BRD1: variants seen among roughly 807,000 people sequenced by gnomAD.
The protein encoded by BRD1 is bromodomain containing 1.
In BRD1, 24 loss-of-function variants were observed where a neutral mutation model predicts 107.7. The observed-to-expected ratio is 0.22, with a 90% CI of 0.16 to 0.31. The LOEUF (loss-of-function observed/expected upper bound fraction) is 0.31, where lower values mean the gene tolerates loss of function less well. Among genes scored for constraint, BRD1 ranks in the 10% least tolerant of loss-of-function variants. The pLI, the probability that BRD1 is intolerant of heterozygous loss-of-function variation, is 1.00. For missense variants in BRD1, 1,279 were observed against 1,638.6 expected (o/e 0.78, Z 3.79); for synonymous variants, 744 against 686.1 (o/e 1.08, Z -1.32).
chr22:49,801,964 C>T (rs1382078831), intron 3 of BRD1, among the ~76,000 whole-genome samples: 2 of 152,224 alleles, frequency 1.3e-5, no homozygotes, highest in Non-Finnish European at 2.9e-5. Context: ...TGATTCCCAC[C>T]GCTGGACGTC....
chr22:49,788,227 AG>A (rs1223918986), intron 7 of BRD1, among the ~76,000 whole-genome samples: 3 of 152,230 alleles, frequency 2.0e-5, no homozygotes, highest in Non-Finnish European at 4.4e-5. Flanking sequence ...GAGGAAGAAA[AG>A]GTATCTCACA....
intron 3 of BRD1, 50 bp downstream of exon 3, chr22:49,804,154 G>A (rs367855343): frequency 2.0e-6 from 3 of 1,498,610 alleles, no homozygotes; most frequent in South Asian, 2.7e-5. Context: ...TCTCCCTGGA[G>A]GGTGGGGGTG....
chr22:49,774,926 C>T (rs902400644), intron 12 of BRD1, among the ~76,000 whole-genome samples: 1 of 152,240 alleles, frequency 6.6e-6, no homozygotes, highest in Non-Finnish European at 1.5e-5. Flanking sequence ...GCAGGTGGCC[C>T]CGAGCCCCTG....
chr22:49,788,461 G>A lies in BRD1; in HGVS notation c.2360-574C>T, dbSNP rs559397620. ...CCCGCTCCCCACAGCACAGAAGTCC[G>A]TGCCACGTTCCCAAATATTGTGATG... is the stretch of plus-strand genomic sequence containing the variant. On this transcript the variant is annotated intron_variant, in intron 7 of 12. Coordinates refer to ENST00000404760, the MANE Select transcript of BRD1 (RefSeq NM_001304808.3). Among the ~76,000 whole-genome samples, 9 of 152,274 alleles carry A rather than the reference G, an allele frequency of 5.9e-5. No individual in the cohort carries two copies. In the South Asian group the frequency reaches 1.2e-3, roughly 21 times the overall value.
rs984775150 is a variant in BRD1, at chr22:49,776,686, G to T, written c.3121+348C>A. Among the ~76,000 whole-genome samples, 6 of 152,168 alleles carry T rather than the reference G, an allele frequency of 3.9e-5. No individual in the cohort carries two copies. The East Asian group carries it at 1.2e-3, about 29-fold the overall frequency. ...CCCTCCCCCAGGGGCCTGAAGTTGAGGGCACCCACCCTGCAGTCAGTCCCC... is the reference window on the plus strand; with the variant it reads ...CCCTCCCCCAGGGGCCTGAAGTTGATGGCACCCACCCTGCAGTCAGTCCCC... On this transcript the variant is annotated intron_variant, in intron 10 of 12. Transcript: ENST00000404760.
At chr22:49,810,738 A>C (rs2059834310) in intron 2 of BRD1, among the ~76,000 whole-genome samples, 1 of 152,244 alleles carries the variant, frequency 6.6e-6, no homozygotes, top group Non-Finnish European at 1.5e-5. Flanking sequence ...ACTGCAAAGC[A>C]AAACCCCCGA....
intron 8 of BRD1, 70 bp from the exon 9 acceptor site, chr22:49,777,883 TAC>T: frequency 6.6e-7 from 1 of 1,510,478 alleles, no homozygotes; most frequent in Admixed American, 2.0e-5. Context: ...TCAACGACGT[TAC>T]ACTTGGAACA....
chr22:49,788,358 A>AAAAC (rs369771311), intron 7 of BRD1, among the ~76,000 whole-genome samples: 2 of 152,114 alleles, frequency 1.3e-5, no homozygotes, highest in East Asian at 3.8e-4. Context: ...CAAAAATGCA[A>AAAAC]AAACAAACAA....
At chr22:49,798,963 C>A in intron 4 of BRD1, 25 bp downstream of exon 4, 1 of 1,584,052 alleles carries the variant, frequency 6.3e-7, no homozygotes, top group South Asian at 1.1e-5. Flanking sequence ...GTGGTGCACT[C>A]CACGCGGGAC....
At chr22:49,818,828 G>C (rs753638569) in intron 2 of BRD1, among the ~76,000 whole-genome samples, 2 of 152,076 alleles carry the variant, frequency 1.3e-5, no homozygotes, top group Non-Finnish European at 2.9e-5. Flanking sequence ...GGAGCTTGTA[G>C]TGAGCCGAGA....
Position 49,773,510 on chromosome 22 carries a change from AAAATC to A in BRD1, c.*718_*722del, listed in dbSNP as rs546594726. 6.3e-4 allele frequency: 96 copies of A among 152,760 alleles called. No homozygotes were observed. Among genetic ancestry groups the A allele is most frequent in the African/African-American group, 2.3e-3 (95 of 41,590 alleles). The allele number at this position is 152,760 out of a possible 1,614,324, so 9.5% of individuals were successfully genotyped here. On this transcript the variant is annotated 3_prime_UTR_variant, in exon 13 of 13. Coordinates refer to ENST00000404760, the MANE Select transcript of BRD1 (RefSeq NM_001304808.3). ...TTGTAAACAAAAGATTACAAGTTAT[AAAATC>A]AAAGTACACACAGGCCAGAGTCATT...
rs1229444541 is a variant in BRD1, at chr22:49,797,976, C to T, written c.1927G>A (p.Ala643Thr). The T allele has an allele frequency of 6.2e-7, 1 of 1,614,240 alleles. No homozygotes were observed. The highest frequency in any genetic ancestry group is 8.5e-7 in the Non-Finnish European group (1 of 1,180,042). ...LIIDNCMKYN[A>T]RDTVFYRAAV... ...GCTCTATAGAACACGGTGTCCCTGG[C>T]ATTGTACTTCATGCAGTTATCTATA... The change falls in exon 6 of 13, where the codon GCC becomes ACC. Residue 643 changes from alanine to threonine, a missense_variant. By Grantham distance (58) the Ala-to-Thr change is moderately conservative (BLOSUM62 0). Around this residue, in one of 7 missense-constraint regions of BRD1, gnomAD observed 406 missense variants for 519.4 expected, o/e 0.78. Coordinates refer to ENST00000404760, the MANE Select transcript of BRD1 (RefSeq NM_001304808.3).
chr22:49,818,403 G>C (rs1172831467), intron 2 of BRD1: 5 of 1,136,886 alleles, frequency 4.4e-6, no homozygotes, highest in Non-Finnish European at 5.5e-6. Flanking sequence ...TTGTTAAACA[G>C]ATTATGCGTG....
At chr22:49,796,224 A>G (rs1245856489) in intron 6 of BRD1, among the ~76,000 whole-genome samples, 1 of 150,590 alleles carries the variant, frequency 6.6e-6, no homozygotes, top group Non-Finnish European at 1.5e-5. Context: ...CCGAGTAGCT[A>G]GGACTACAGG....
At chr22:49,802,670 A>G (rs1040144400) in intron 3 of BRD1, among the ~76,000 whole-genome samples, 1 of 140,176 alleles carries the variant, frequency 7.1e-6, no homozygotes, top group Admixed American at 7.1e-5. Flanking sequence ...CAATGCCTCC[A>G]CTCTCTTCCT....
chr22:49,807,715 G>A (rs1216337008), intron 2 of BRD1, among the ~76,000 whole-genome samples: 1 of 152,148 alleles, frequency 6.6e-6, no homozygotes, highest in African/African-American at 2.4e-5. Context: ...TCTTGAATAA[G>A]ACACCAAAGG....
In BRD1 at chr22:49,797,908, C is replaced by G. The variant is rs770848721; in HGVS notation, c.1995G>C (p.Gln665His). 1 of 1,614,056 alleles carries G rather than the reference C, an allele frequency of 6.2e-7. No individual in the cohort carries two copies. The highest frequency in any genetic ancestry group is 1.3e-5 in the African/African-American group (1 of 74,946). ...LRDQGGVVLR[Q>H]ARREVDSIGL... ...CGATGCTGTCCACCTCGCGCCGGGC[C>G]TGCCTCAGAACAACACCTCCCTGAT... The change falls in exon 6 of 13, where the codon CAG becomes CAC. Residue 665 changes from glutamine (Q) to histidine (H), a missense_variant. Physicochemically the swap from Gln to His is conservative, Grantham distance 24. This residue lies in a region of BRD1 where 406 missense variants were observed against 519.4 expected (regional missense o/e 0.78). Coordinates refer to ENST00000404760, the MANE Select transcript of BRD1 (RefSeq NM_001304808.3).
chr22:49,780,503 A>G (rs2059185979), intron 8 of BRD1, among the ~76,000 whole-genome samples: 1 of 151,986 alleles, frequency 6.6e-6, no homozygotes, highest in Non-Finnish European at 1.5e-5. Context: ...AGGCTTGCTA[A>G]CAGGCGGTCT....
At chr22:49,781,239 A>C (rs2059201857) in intron 8 of BRD1, among the ~76,000 whole-genome samples, 1 of 152,204 alleles carries the variant, frequency 6.6e-6, no homozygotes, top group Non-Finnish European at 1.5e-5. Context: ...GGTGTCCCAC[A>C]GCCCAGCCAA....
Sources: allele counts gnomAD v4.1 joint callset (sites outside exome capture counted in the v4.1 genomes callset), GRCh38; gene constraint gnomAD v4.1.1; regional missense constraint gnomAD v4.1.1; transcripts MANE v1.5; gene names NCBI Gene and HGNC (gene_info 2026-07-23, HGNC 2026-07-21).